Variants in PAG1 observed in about 807,000 individuals in gnomAD.
PAG1 encodes phosphoprotein membrane anchor with glycosphingolipid microdomains 1.
In PAG1, 23 loss-of-function variants were observed where a neutral mutation model predicts 31.7. That is an observed-to-expected ratio of 0.73 (90% CI 0.52 to 1.03). The LOEUF (loss-of-function observed/expected upper bound fraction) is 1.03, where lower values mean the gene tolerates loss of function less well. Among genes scored for constraint, PAG1 ranks in the 50% least tolerant of loss-of-function variants. The pLI, the probability that PAG1 is intolerant of heterozygous loss-of-function variation, is 0.00. For missense variants in PAG1, 473 were observed against 540.7 expected (o/e 0.87, Z 1.24); for synonymous variants, 214 against 210.3 (o/e 1.02, Z -0.15).
At chr8:81,002,150 G>A (rs1036121789) in intron 3 of PAG1, among the ~76,000 whole-genome samples, 1 of 152,010 alleles carries the variant, frequency 6.6e-6, no homozygotes, top group Non-Finnish European at 1.5e-5. Flanking sequence ...TTGCAGTCAC[G>A]CTCTGTTAAG....
intron 3 of PAG1, among the ~76,000 whole-genome samples, chr8:81,021,285 C>T (rs541380367): frequency 2.0e-5 from 3 of 152,160 alleles, no homozygotes; most frequent in Admixed American, 6.5e-5. Flanking sequence ...GTTTTTAATA[C>T]GTTAGTTATA....
At chr8:81,051,572 C>T (rs1245168147) in intron 2 of PAG1, among the ~76,000 whole-genome samples, 3 of 152,140 alleles carry the variant, frequency 2.0e-5, no homozygotes, top group Non-Finnish European at 4.4e-5. Flanking sequence ...CATCCTTTCT[C>T]ATTAGAATGA....
At chr8:81,065,561 C>T (rs1323898698) in intron 2 of PAG1, among the ~76,000 whole-genome samples, 1 of 152,112 alleles carries the variant, frequency 6.6e-6, no homozygotes, top group Non-Finnish European at 1.5e-5. Context: ...CGTCACCTGA[C>T]TCTCCAGCCA....
rs1480613550 is a variant in PAG1 at position 80,993,093 on chromosome 8, T to C, written c.125+10A>G. ...GTTTAAGGCACAGGTATATACACTC[T>C]GGTTCTCACCTGTCACAACTAGAGC... On this transcript the variant is annotated intron_variant, in intron 4 of 8. Transcript: ENST00000220597. 1 of 1,612,372 alleles carries C rather than the reference T, an allele frequency of 6.2e-7. No individual in the cohort carries two copies. The highest frequency in any genetic ancestry group is 8.5e-7 in the Non-Finnish European group (1 of 1,179,130).
At chr8:81,002,023 T>C (rs74335194) in intron 3 of PAG1, among the ~76,000 whole-genome samples, 3,923 of 152,298 alleles carry the variant, frequency 0.026, 99 homozygotes, top group Non-Finnish European at 0.033. Flanking sequence ...CTCCCAGCCA[T>C]GCATTAATCA....
intron 3 of PAG1, among the ~76,000 whole-genome samples, chr8:81,024,448 A>G (rs1027521263): frequency 6.6e-6 from 1 of 152,166 alleles, no homozygotes; most frequent in Non-Finnish European, 1.5e-5. Context: ...TCAAGACCCA[A>G]ACACCTCCAC....
chr8:80,998,030 A>G (rs1186369420), intron 3 of PAG1, among the ~76,000 whole-genome samples: 2 of 152,264 alleles, frequency 1.3e-5, no homozygotes, highest in East Asian at 1.9e-4. Flanking sequence ...TAAAAGGTCC[A>G]TACTCTCTTA....
chr8:81,007,014 T>G (rs917013169), intron 3 of PAG1, among the ~76,000 whole-genome samples: 1 of 152,190 alleles, frequency 6.6e-6, no homozygotes, highest in Non-Finnish European at 1.5e-5. Flanking sequence ...GGTTGTACAA[T>G]GAGAACAAAT....
At chr8:80,977,206 C>G (rs1807204807) in intron 8 of PAG1, among the ~76,000 whole-genome samples, 1 of 152,200 alleles carries the variant, frequency 6.6e-6, no homozygotes, top group South Asian at 2.1e-4. Flanking sequence ...CCCCGGGGAC[C>G]TGACCACAGC....
intron 1 of PAG1, among the ~76,000 whole-genome samples, chr8:81,100,829 T>C (rs190892212): frequency 5.3e-5 from 8 of 152,192 alleles, no homozygotes; most frequent in Non-Finnish European, 8.8e-5. Context: ...CTAATTCTAA[T>C]ATAAGGCTGA....
intron 1 of PAG1, among the ~76,000 whole-genome samples, chr8:81,093,548 G>A (rs1809480761): frequency 6.6e-6 from 1 of 151,754 alleles, no homozygotes; most frequent in Admixed American, 6.6e-5. Context: ...CTTTCACTTA[G>A]ACACAAATGT....
intron 1 of PAG1, among the ~76,000 whole-genome samples, chr8:81,096,533 A>C (rs1222638536): frequency 6.6e-6 from 1 of 152,226 alleles, no homozygotes; most frequent in Non-Finnish European, 1.5e-5. Context: ...TCTACACAAT[A>C]GTTTTCCAGC....
intron 8 of PAG1, among the ~76,000 whole-genome samples, 198 bp from the exon 9 acceptor site, chr8:80,977,104 G>C (rs1807201949): frequency 6.6e-6 from 1 of 152,132 alleles, no homozygotes; most frequent in Non-Finnish European, 1.5e-5. Context: ...ATGTTAACTA[G>C]ATCAGTCATA....
intron 2 of PAG1, among the ~76,000 whole-genome samples, chr8:81,060,233 A>G (rs982353730): frequency 5.3e-5 from 8 of 152,208 alleles, no homozygotes; most frequent in Non-Finnish European, 2.9e-5. Flanking sequence ...TCAGGCATCT[A>G]GCTTTTTTAT....
chr8:81,107,561 AC>A (rs1365230966), intron 1 of PAG1, among the ~76,000 whole-genome samples: 3 of 152,186 alleles, frequency 2.0e-5, no homozygotes, highest in Non-Finnish European at 2.9e-5. Context: ...CTCAGTTGTC[AC>A]TTCCACAAAA....
intron 5 of PAG1, among the ~76,000 whole-genome samples, chr8:80,988,911 T>C (rs545266116): frequency 1.4e-4 from 21 of 152,344 alleles, no homozygotes; most frequent in African/African-American, 5.1e-4. Flanking sequence ...AAGTTGGTGT[T>C]CATGTATTTC....
intron 1 of PAG1, among the ~76,000 whole-genome samples, chr8:81,110,089 A>G (rs1247019735): frequency 2.0e-5 from 3 of 152,194 alleles, no homozygotes; most frequent in African/African-American, 7.2e-5. Flanking sequence ...TAAGGTGCCT[A>G]TAACTAGTTC....
At chr8:81,043,595 T>G (rs1808591373) in intron 2 of PAG1, among the ~76,000 whole-genome samples, 1 of 152,238 alleles carries the variant, frequency 6.6e-6, no homozygotes, top group African/African-American at 2.4e-5. Flanking sequence ...TAATTGGGCA[T>G]TCTGTGCCAA....
rs182397277 is a variant in PAG1 at position 80,998,809 on chromosome 8, C to T, written c.-80-5502G>A. On this transcript the variant is annotated intron_variant, in intron 3 of 8. Coordinates refer to ENST00000220597, the MANE Select transcript of PAG1 (RefSeq NM_018440.4). ...TCTAGGTCAGTAATGATAGTCATTA[C>T]CTTTTTACAGCTGTTGCAGTTGACA... 1.2e-3 allele frequency among the ~76,000 whole-genome samples: 179 copies of T among 152,254 alleles called. 3 individuals carry two copies. Among genetic ancestry groups the T allele is most frequent in the Middle Eastern group, 6.8e-3 (2 of 294 alleles).
Sources: gnomAD v4.1 joint callset for allele counts (sites outside exome capture counted in the v4.1 genomes callset) on GRCh38, gnomAD v4.1.1 for gene constraint, MANE v1.5 for transcripts, NCBI Gene and HGNC (gene_info 2026-07-23, HGNC 2026-07-21) for gene names.